Variants in ASTN2 observed in about 807,000 individuals in gnomAD.
ASTN2 encodes astrotactin-2.
In ASTN2, 54 loss-of-function variants were observed where a neutral mutation model predicts 139.8. The observed-to-expected ratio is 0.39, with a 90% CI of 0.31 to 0.48. ASTN2 has a LOEUF of 0.48. Among genes scored for constraint, ASTN2 ranks in the 20% least tolerant of loss-of-function variants. The pLI is 0.95. For missense variants in ASTN2, 1,565 were observed against 1,725.1 expected (o/e 0.91, Z 1.64); for synonymous variants, 756 against 719.5 (o/e 1.05, Z -0.81).
At chr9:116,642,275 C>T (rs1346961950) in intron 17 of ASTN2, among the ~76,000 whole-genome samples, 3 of 152,016 alleles carry the variant, frequency 2.0e-5, no homozygotes, top group Non-Finnish European at 4.4e-5. Flanking sequence ...TCACTAGGCA[C>T]TCTTGACCTC....
chr9:116,921,625 T>TAATTTATAAACAA, intron 10 of ASTN2, among the ~76,000 whole-genome samples: 1 of 144,964 alleles, frequency 6.9e-6, no homozygotes, highest in East Asian at 2.0e-4. Flanking sequence ...CAAGACTGGG[T>TAATTTATAAACAA]AATTTATAAA....
chr9:116,476,437 T>TA (rs1225074990), intron 20 of ASTN2, among the ~76,000 whole-genome samples: 4 of 152,098 alleles, frequency 2.6e-5, no homozygotes, highest in Non-Finnish European at 5.9e-5. Context: ...CAGCGGAGGG[T>TA]TCCCCTGGCT....
intron 10 of ASTN2, among the ~76,000 whole-genome samples, chr9:116,966,336 G>T (rs552001222): frequency 1.2e-4 from 18 of 152,242 alleles, no homozygotes; most frequent in African/African-American, 4.1e-4. Flanking sequence ...TCCAGCCTGG[G>T]TCACTTCAAT....
chr9:116,575,835 T>A (rs1010893946), intron 19 of ASTN2, among the ~76,000 whole-genome samples: 1 of 152,114 alleles, frequency 6.6e-6, no homozygotes, highest in African/African-American at 2.4e-5. Context: ...CATAGTGAGC[T>A]GATAAGGGAA....
At chr9:116,622,776 T>G (rs544895925) in intron 17 of ASTN2, among the ~76,000 whole-genome samples, 1 of 152,346 alleles carries the variant, frequency 6.6e-6, no homozygotes, top group South Asian at 2.1e-4. Context: ...CATAAACTAT[T>G]TGCATATAAA....
At chr9:117,066,322 T>G (rs1320548922) in intron 5 of ASTN2, among the ~76,000 whole-genome samples, 1 of 148,138 alleles carries the variant, frequency 6.8e-6, no homozygotes, top group African/African-American at 2.5e-5. Flanking sequence ...TCCAATTTCA[T>G]ACATGTCCCT....
chr9:116,509,691 G>A (rs1375858756), intron 19 of ASTN2, among the ~76,000 whole-genome samples: 3 of 149,900 alleles, frequency 2.0e-5, no homozygotes, highest in African/African-American at 7.3e-5. Flanking sequence ...ACTTTTTAAT[G>A]ATTGCCATTC....
intron 19 of ASTN2, among the ~76,000 whole-genome samples, chr9:116,581,634 T>C (rs190281490): frequency 1.3e-5 from 2 of 152,354 alleles, no homozygotes; most frequent in African/African-American, 4.8e-5. Context: ...TGATCTGAGC[T>C]AATCTTGCCT....
chr9:116,940,680 T>C (rs1483995416), intron 10 of ASTN2, among the ~76,000 whole-genome samples: 2 of 152,018 alleles, frequency 1.3e-5, no homozygotes, highest in Admixed American at 6.6e-5. Flanking sequence ...GTAATCTAGG[T>C]TTATTATTGA....
chr9:116,434,346 TGA>T (rs1425192685), intron 22 of ASTN2, among the ~76,000 whole-genome samples: 1 of 152,226 alleles, frequency 6.6e-6, no homozygotes, highest in African/African-American at 2.4e-5. Flanking sequence ...TTAAAAATTC[TGA>T]GAGTTAATTC....
chr9:117,368,358 C>A (rs952397945), intron 1 of ASTN2, among the ~76,000 whole-genome samples: 6 of 151,594 alleles, frequency 4.0e-5, no homozygotes, highest in Non-Finnish European at 7.4e-5. Flanking sequence ...TCCATTGGAA[C>A]AAAAACACAA....
chr9:117,315,766 T>C (rs897563185), intron 1 of ASTN2, among the ~76,000 whole-genome samples: 3 of 152,208 alleles, frequency 2.0e-5, no homozygotes, highest in Non-Finnish European at 4.4e-5. Context: ...GAGATTCATG[T>C]TTGCCTGAAG....
chr9:117,067,020 A>G (rs1419421910), intron 5 of ASTN2, among the ~76,000 whole-genome samples: 1 of 92,250 alleles, frequency 1.1e-5, no homozygotes, highest in African/African-American at 4.0e-5. Context: ...ATTAGATCCC[A>G]TTTGTCAATT....
chr9:117,002,706 T>C (rs760575925), intron 7 of ASTN2, among the ~76,000 whole-genome samples: 6 of 152,206 alleles, frequency 3.9e-5, no homozygotes, highest in Non-Finnish European at 5.9e-5. Context: ...TCTTTGTCTC[T>C]TAATTACATG....
At chr9:116,739,114 G>A (rs894579924) in intron 13 of ASTN2, among the ~76,000 whole-genome samples, 1 of 152,026 alleles carries the variant, frequency 6.6e-6, no homozygotes, top group Admixed American at 6.6e-5. Flanking sequence ...ACAATTCATC[G>A]ATTCTAAAAT....
At chr9:117,181,315 G>C in intron 3 of ASTN2, 3 of 407,442 alleles carry the variant, frequency 7.4e-6, no homozygotes, top group South Asian at 5.3e-5. Context: ...ACTTGCCCCA[G>C]GTCAAAGAGC....
intron 3 of ASTN2, among the ~76,000 whole-genome samples, chr9:117,158,463 G>T (rs185049397): frequency 3.9e-5 from 6 of 152,172 alleles, no homozygotes; most frequent in Admixed American, 3.9e-4. Flanking sequence ...TTGGTTGGAT[G>T]TTCCCCTTTG....
chr9:117,390,321 A>C (rs1040817699), intron 1 of ASTN2, among the ~76,000 whole-genome samples: 2 of 152,216 alleles, frequency 1.3e-5, no homozygotes, highest in Non-Finnish European at 2.9e-5. Flanking sequence ...CATTTGTTAT[A>C]ATTGATGAGC....
intron 19 of ASTN2, among the ~76,000 whole-genome samples, chr9:116,534,526 C>T (rs999226128): frequency 8.5e-5 from 13 of 152,318 alleles, no homozygotes; most frequent in Middle Eastern, 3.4e-3. Context: ...TCACACACTG[C>T]TTTAAATGTG....
Sources: allele counts gnomAD v4.1 joint callset (sites outside exome capture counted in the v4.1 genomes callset), GRCh38; gene constraint gnomAD v4.1.1; transcripts MANE v1.5; gene names NCBI Gene and HGNC (gene_info 2026-07-23, HGNC 2026-07-21).